DPYD: variants seen among roughly 807,000 people sequenced by gnomAD.
The protein encoded by DPYD is dihydropyrimidine dehydrogenase [NADP(+)].
Under a neutral mutation model 116.2 loss-of-function variants are expected in DPYD, and 109 were observed. The ratio of observed to expected loss-of-function variants is 0.94; its 90% CI spans 0.80 to 1.10. The LOEUF (loss-of-function observed/expected upper bound fraction) is 1.10, where lower values mean the gene tolerates loss of function less well. Ranked by LOEUF, DPYD falls within the 50% of genes least tolerant of loss-of-function variation. The pLI is 0.00. For synonymous variants in DPYD, 440 were observed against 432.0 expected (o/e 1.02, Z -0.23); for missense variants, 1,302 against 1,254.5 (o/e 1.04, Z -0.57).
At chr1:97,259,840 G>A (rs184918287) in intron 18 of DPYD, among the ~76,000 whole-genome samples, 3 of 152,232 alleles carry the variant, frequency 2.0e-5, no homozygotes, top group East Asian at 1.9e-4. Flanking sequence ...GAAATTGGAA[G>A]ATGATATGGG....
intron 19 of DPYD, among the ~76,000 whole-genome samples, chr1:97,233,624 G>T (rs1401874083): frequency 3.3e-5 from 5 of 152,096 alleles, no homozygotes; most frequent in Non-Finnish European, 7.4e-5. Flanking sequence ...TGGTTCTTTG[G>T]CTAGAGAGAG....
intron 13 of DPYD, among the ~76,000 whole-genome samples, chr1:97,493,685 T>C (rs1679097011): frequency 6.6e-6 from 1 of 152,146 alleles, no homozygotes; most frequent in Non-Finnish European, 1.5e-5. Flanking sequence ...CCATGAGCTA[T>C]GGGACTCAAA....
intron 13 of DPYD, among the ~76,000 whole-genome samples, chr1:97,458,092 A>G (rs866859944): frequency 5.9e-5 from 9 of 152,216 alleles, no homozygotes; most frequent in African/African-American, 1.9e-4. Flanking sequence ...TGCTTTGAAG[A>G]AATCTTTTAA....
At chr1:97,485,949 G>C (rs1371138384) in intron 13 of DPYD, among the ~76,000 whole-genome samples, 1 of 152,102 alleles carries the variant, frequency 6.6e-6, no homozygotes, top group Non-Finnish European at 1.5e-5. Flanking sequence ...ATATTTAAAT[G>C]AATGATATTG....
chr1:97,421,500 G>A (rs1322672728), intron 14 of DPYD, among the ~76,000 whole-genome samples: 4 of 152,030 alleles, frequency 2.6e-5, no homozygotes, highest in African/African-American at 9.7e-5. Context: ...TTGGGTGTTT[G>A]AGAAACGTAA....
intron 8 of DPYD, among the ~76,000 whole-genome samples, chr1:97,627,019 G>A (rs1246507534): frequency 6.6e-6 from 1 of 152,016 alleles, no homozygotes; most frequent in Non-Finnish European, 1.5e-5. Flanking sequence ...AGATCAGTGT[G>A]TCAGCATGTC....
intron 8 of DPYD, among the ~76,000 whole-genome samples, chr1:97,652,106 T>C (rs2100844084): frequency 6.6e-6 from 1 of 152,184 alleles, no homozygotes; most frequent in East Asian, 1.9e-4. Flanking sequence ...GGATCATGAG[T>C]CACTATATTC....
intron 13 of DPYD, among the ~76,000 whole-genome samples, chr1:97,458,154 A>G (rs574473964): frequency 6.6e-6 from 1 of 152,310 alleles, no homozygotes; most frequent in South Asian, 2.1e-4. Flanking sequence ...TTTAACAATT[A>G]TTAATTATCT....
rs1658500385 is a variant in DPYD at position 97,193,140 on chromosome 1, C to T, written c.2551G>A (p.Gly851Arg). ...TGACTCACAGTAGCTGGACTCTGTC[C>T]ATCCCAGTCTTGTAGTTCTTCAATG... ...KSIEELQDWD[G>R]QSPATVSHQK... Residue 851 changes from glycine to arginine, a missense_variant, in exon 20 of 23, where the codon GGA (glycine) becomes AGA (arginine). Transcript: ENST00000370192. 2 of 1,613,898 alleles carry T rather than the reference C, an allele frequency of 1.2e-6. No individual in the cohort carries two copies. The highest frequency in any genetic ancestry group is 1.7e-6 in the Non-Finnish European group (2 of 1,179,960).
chr1:97,315,211 G>T (rs1160691885), intron 16 of DPYD, among the ~76,000 whole-genome samples: 1 of 151,962 alleles, frequency 6.6e-6, no homozygotes, highest in African/African-American at 2.4e-5. Context: ...TGGCCCAGCT[G>T]CAGGAGTGTG....
At chr1:97,753,701 G>A (rs980108157) in intron 3 of DPYD, among the ~76,000 whole-genome samples, 10 of 151,718 alleles carry the variant, frequency 6.6e-5, no homozygotes, top group African/African-American at 1.9e-4. Context: ...GCATTTTCTC[G>A]TATGTAAATT....
At chr1:97,462,065 C>A (rs1260098648) in intron 13 of DPYD, among the ~76,000 whole-genome samples, 1 of 152,148 alleles carries the variant, frequency 6.6e-6, no homozygotes, top group African/African-American at 2.4e-5. Context: ...ATATGGCCCT[C>A]ACAGGGTAAG....
rs139386985 is a variant in DPYD at position 97,816,761 on chromosome 1, G to A, written c.233+11353C>T. On this transcript the variant is annotated intron_variant, in intron 3 of 22. Transcript: ENST00000370192. ...TGCATATTGGTGATTTCACAAGCTA[G>A]ATTGTCTGTTTAATTCCTAATCACA... Among the ~76,000 whole-genome samples the A allele has an allele frequency of 2.7e-3, 415 of 152,226 alleles. 2 individuals carry two copies. The highest frequency in any genetic ancestry group is 8.9e-3 in the African/African-American group (369 of 41,532).
At chr1:97,684,459 C>A (rs1483100516) in intron 7 of DPYD, among the ~76,000 whole-genome samples, 1 of 151,396 alleles carries the variant, frequency 6.6e-6, no homozygotes, top group African/African-American at 2.4e-5. Context: ...ATTATGTGAT[C>A]GATTTGAGAG....
At chr1:97,369,664 C>T (rs948354392) in intron 16 of DPYD, among the ~76,000 whole-genome samples, 3 of 152,136 alleles carry the variant, frequency 2.0e-5, no homozygotes, top group Admixed American at 1.3e-4. Context: ...TGTAATACAA[C>T]TTTGATTCTT....
chr1:97,500,310 G>T (rs1679502653), intron 13 of DPYD, among the ~76,000 whole-genome samples: 1 of 151,800 alleles, frequency 6.6e-6, no homozygotes, highest in Non-Finnish European at 1.5e-5. Context: ...TGACAAAACT[G>T]CATAAACAGT....
At chr1:97,548,843 AC>A (rs1229045389) in intron 12 of DPYD, among the ~76,000 whole-genome samples, 3 of 152,154 alleles carry the variant, frequency 2.0e-5, no homozygotes, top group Non-Finnish European at 2.9e-5. Context: ...AATTTGGAAA[AC>A]AGACAGGACC....
intron 13 of DPYD, among the ~76,000 whole-genome samples, chr1:97,467,977 G>C (rs1324418605): frequency 6.6e-6 from 1 of 152,134 alleles, no homozygotes; most frequent in African/African-American, 2.4e-5. Context: ...AGACTGTCCA[G>C]AGCAGGGGTT....
intron 16 of DPYD, among the ~76,000 whole-genome samples, chr1:97,307,027 A>AT (rs1401443587): frequency 6.6e-6 from 1 of 151,838 alleles, no homozygotes; most frequent in East Asian, 1.9e-4. Context: ...ATTTTCTGTG[A>AT]TTTTCCAGGC....
Sources: allele counts gnomAD v4.1 joint callset (sites outside exome capture counted in the v4.1 genomes callset), GRCh38; gene constraint gnomAD v4.1.1; transcripts MANE v1.5; gene names NCBI Gene and HGNC (gene_info 2026-07-23, HGNC 2026-07-21).